The following NLRP1 variants were observed in gnomAD, a reference collection of about 807,000 sequenced individuals.
NLRP1 encodes the protein NLR family pyrin domain containing 1.
Under a neutral mutation model 136.7 loss-of-function variants are expected in NLRP1, and 94 were observed. That is an observed-to-expected ratio of 0.69 (90% CI 0.58 to 0.82). The LOEUF (loss-of-function observed/expected upper bound fraction) is 0.82. NLRP1 is among the 40% of genes least tolerant of loss of function. The pLI is 0.00. For synonymous variants in NLRP1, 690 were observed against 725.1 expected (o/e 0.95, Z 0.78); for missense variants, 1,575 against 1,802.7 (o/e 0.87, Z 2.29).
chr17:5,539,806 A>C, intron 6 of NLRP1: 4 of 271,408 alleles, frequency 1.5e-5, no homozygotes, highest in Non-Finnish European at 2.3e-5. Context: ...ACCCTTTCTC[A>C]ATCCTGTGTG....
rs200393873 is a variant in NLRP1 at position 5,514,329 on chromosome 17, T to G, written c.*425A>C. Reference sequence around the variant, plus strand: ...CTCTGTTGGCTTGCTCTTGTAGATCTTCCTGTACAAAGCCAAGAATCCACG... The same window carrying G: ...CTCTGTTGGCTTGCTCTTGTAGATCGTCCTGTACAAAGCCAAGAATCCACG... On this transcript the variant is annotated 3_prime_UTR_variant, in exon 17 of 17. Coordinates refer to ENST00000572272, the MANE Select transcript of NLRP1 (RefSeq NM_033004.4). The G allele has an allele frequency of 7.7e-5, 67 of 875,600 alleles. No individual in the cohort carries two copies. The South Asian group carries it at 2.6e-3, about 34-fold the overall frequency. The allele number at this position is 875,600 out of a possible 1,614,324, so 54.2% of individuals were successfully genotyped here.
In NLRP1 at chr17:5,559,410, T is replaced by C. The variant is rs1262259811; in HGVS notation, c.1286A>G (p.His429Arg). ...LQEPSSELCL[H>R]WSQPQPADAL... is the part of the protein sequence containing the mutation. ...ATCCGCCGGCTGTGGCTGGCTCCAG[T>C]GCAGACAGAGCTCAGAACTCGGCTC... The change falls in exon 4 of 17, where the codon CAC becomes CGC. Residue 429 changes from histidine (H) to arginine (R), a missense_variant. His to Arg is a conservative substitution (Grantham distance 29). Transcript: ENST00000572272. The C allele has an allele frequency of 6.2e-7, 1 of 1,613,932 alleles. No individual in the cohort carries two copies. Among genetic ancestry groups the C allele is most frequent in the African/African-American group, 1.3e-5 (1 of 74,914 alleles).
In NLRP1 at chr17:5,558,540, A is replaced by G. The variant is rs1364469424; in HGVS notation, c.2156T>C (p.Leu719Pro). The G allele has an allele frequency of 6.2e-7, 1 of 1,613,870 alleles. No homozygotes were observed. Among genetic ancestry groups the G allele is most frequent in the Admixed American group, 1.7e-5 (1 of 59,974 alleles). ...GTTCCGAGTCTCGTACAAGCAGTGG[A>G]GGGACTCCAGAGAGTGTGGCTGCAG... is the stretch of plus-strand genomic sequence containing the variant. ...LLLQPHSLESLHCLYETRNKT... is the reference protein window; with the variant it reads ...LLLQPHSLESPHCLYETRNKT... The change falls in exon 4 of 17, where the codon CTC becomes CCC. Residue 719 changes from leucine (L) to proline (P), a missense_variant. Leu to Pro is a moderately conservative substitution (Grantham distance 98). Coordinates refer to ENST00000572272, the MANE Select transcript of NLRP1 (RefSeq NM_033004.4).
At chr17:5,542,990 C>T (rs908370959) in intron 5 of NLRP1, among the ~76,000 whole-genome samples, 8 of 152,084 alleles carry the variant, frequency 5.3e-5, no homozygotes, top group South Asian at 2.1e-4. Flanking sequence ...CCACCATGCC[C>T]GGCTAATTTT....
chr17:5,541,833 C>T lies in NLRP1; in HGVS notation c.2699+24G>A, dbSNP rs199628010. 2,153 of 1,611,870 alleles carry T rather than the reference C, an allele frequency of 1.3e-3. 5 individuals carry two copies. The highest frequency in any genetic ancestry group is 1.7e-3 in the Non-Finnish European group (1,983 of 1,178,942). ...GGTGGCAGGCAGTTCCCTCCACCTC[C>T]CCCTGCCCACCAAGAACAATTACTG... On this transcript the variant is annotated intron_variant, in intron 6 of 16. Transcript: ENST00000572272. The surrounding 1 kb of genome is among the most constrained non-coding windows in gnomAD (Gnocchi z 4.2).
intron 3 of NLRP1, among the ~76,000 whole-genome samples, chr17:5,581,272 A>T (rs1159345325): frequency 6.6e-6 from 1 of 152,228 alleles, no homozygotes; most frequent in Non-Finnish European, 1.5e-5. Context: ...TGTAAGAGTT[A>T]AAAGTGTGGA....
At chr17:5,553,345 TC>T in intron 5 of NLRP1, 40 bp downstream of exon 5, 1 of 1,552,646 alleles carries the variant, frequency 6.4e-7, no homozygotes, top group Non-Finnish European at 8.7e-7. Flanking sequence ...TTGGATCTCT[TC>T]CCCATCCCTG....
rs185977435 is a variant in NLRP1, at chr17:5,517,665, C to T, written c.4057+81G>A. ...CCTCCCAAAGTTCTGGGATTACAGG[C>T]GTGAGCCACTGTGCCCAGCTCCTTC... On this transcript the variant is annotated intron_variant, in intron 15 of 16. Coordinates refer to ENST00000572272, the MANE Select transcript of NLRP1 (RefSeq NM_033004.4). 3.8e-4 allele frequency: 574 copies of T among 1,520,788 alleles called. 5 individuals are homozygous for T. The East Asian group carries it at 0.012, about 33-fold the overall frequency. The allele number at this position is 1,520,788 out of a possible 1,614,324, so 94.2% of individuals were successfully genotyped here.
At chr17:5,564,090 G>A (rs1915059388) in intron 3 of NLRP1, among the ~76,000 whole-genome samples, 1 of 152,152 alleles carries the variant, frequency 6.6e-6, no homozygotes, top group African/African-American at 2.4e-5. Context: ...GTAGGTGTAT[G>A]TATTTATGGG....
intron 11 of NLRP1, among the ~76,000 whole-genome samples, chr17:5,531,699 T>A (rs1314951252): frequency 1.3e-5 from 2 of 152,030 alleles, no homozygotes; most frequent in South Asian, 2.1e-4. Context: ...TGTGGCAGTG[T>A]TTGGTGAGTG....
At chr17:5,561,125 C>T (rs1203130633) in intron 3 of NLRP1, among the ~76,000 whole-genome samples, 3 of 152,300 alleles carry the variant, frequency 2.0e-5, no homozygotes, top group Middle Eastern at 3.4e-3. Context: ...GGCACGATCT[C>T]GGCTCACCGC....
rs1452117442 is a variant in NLRP1 at position 5,559,829 on chromosome 17, G to C, written c.867C>G (p.Pro289=). Residue 289 remains proline (P), a synonymous_variant, in exon 4 of 17, where the codon CCC becomes CCG. Coordinates refer to ENST00000572272, the MANE Select transcript of NLRP1 (RefSeq NM_033004.4). ...TCTTGACCAGGGGATCTTGGCTTCT[G>C]GGGTGAGGTCTTTGTAGAAGTAGCA... ...TQLLLLQRPH[P]RSQDPLVKRS... is the part of the protein sequence containing the mutation. 1 of 1,614,112 alleles carries C rather than the reference G, an allele frequency of 6.2e-7. No homozygotes were observed. The highest frequency in any genetic ancestry group is 1.7e-5 in the Admixed American group (1 of 60,004).
chr17:5,552,084 C>CTTTTTTTTTTTTTTTTTTTTTTTTT (rs71151872), intron 5 of NLRP1, among the ~76,000 whole-genome samples: 1 of 96,672 alleles, frequency 1.0e-5, no homozygotes, highest in Admixed American at 1.0e-4. Context: ...TCTATCTTTC[C>CTTTTTTTTTTTTTTTTTTTTTTTTT]TTTTTTTTTT....
In NLRP1 at chr17:5,582,637, C is replaced by A. The variant is rs556298129; in HGVS notation, c.448+33G>T. The A allele has an allele frequency of 1.2e-5, 19 of 1,606,388 alleles. No homozygotes were observed. The East Asian group carries it at 4.3e-4, about 36-fold the overall frequency. On this transcript the variant is annotated intron_variant, in intron 2 of 16. Coordinates refer to ENST00000572272, the MANE Select transcript of NLRP1 (RefSeq NM_033004.4). ...CCCACCAGCTGATTCACAGCTCCACCCAGGGCTGTCAGCCTGCCTCAGCAA... is the reference window on the plus strand; with the variant it reads ...CCCACCAGCTGATTCACAGCTCCACACAGGGCTGTCAGCCTGCCTCAGCAA...
At chr17:5,572,126 A>G (rs570917675) in intron 3 of NLRP1, among the ~76,000 whole-genome samples, 4 of 152,306 alleles carry the variant, frequency 2.6e-5, no homozygotes, top group Non-Finnish European at 2.9e-5. Context: ...TTAAACGTAA[A>G]ACCTAGAACT....
chr17:5,522,127 A>G (rs769173859), intron 12 of NLRP1, among the ~76,000 whole-genome samples: 1 of 152,238 alleles, frequency 6.6e-6, no homozygotes, highest in Non-Finnish European at 1.5e-5. Flanking sequence ...ATCCAGCCCA[A>G]GAGGCCTAGA....
At chr17:5,509,445 C>T (rs1347298556), downstream of NLRP1, among the ~76,000 whole-genome samples, 2 of 152,172 alleles carry the variant, frequency 1.3e-5, no homozygotes, top group Non-Finnish European at 2.9e-5. Flanking sequence ...TTGCTCATGG[C>T]CTCTATCGGA....
chr17:5,554,329 C>T (rs1913770282), intron 4 of NLRP1, among the ~76,000 whole-genome samples: 1 of 152,200 alleles, frequency 6.6e-6, no homozygotes, highest in African/African-American at 2.4e-5. Context: ...TCTGTTTTCA[C>T]ACACTACTTT....
rs1907220088 is a variant in NLRP1, at chr17:5,504,065, G to A, written c.4070-2193C>T. 1 of 152,818 alleles carries A rather than the reference G, an allele frequency of 6.5e-6. No individual in the cohort carries two copies. The highest frequency in any genetic ancestry group is 1.9e-4 in the East Asian group (1 of 5,238). 9.5% of individuals were successfully genotyped at this position (152,818 alleles called of 1,614,324 possible). On this transcript the variant is annotated intron_variant, in intron 15 of 15. Transcript: ENST00000262467. The surrounding 1 kb of genome is among the most constrained non-coding windows in gnomAD (Gnocchi z 4.4). ...ATTTGAGTCTGCCAGGCCAAAGCCT[G>A]GATCTGGACAATGGCCAGTTGATCA...
Sources: gnomAD v4.1 joint callset for allele counts (sites outside exome capture counted in the v4.1 genomes callset) on GRCh38, gnomAD v4.1.1 for gene constraint, Gnocchi (gnomAD v3.1) non-coding constraint, MANE v1.5 for transcripts, NCBI Gene and HGNC (gene_info 2026-07-23, HGNC 2026-07-21) for gene names.